The following EEA1 variants were observed in gnomAD, a reference collection of about 807,000 sequenced individuals.
EEA1 encodes early endosome antigen 1, 162kD.
In EEA1, 111 loss-of-function variants were observed where a neutral mutation model predicts 209.2. That is an observed-to-expected ratio of 0.53 (90% CI 0.45 to 0.62). The LOEUF is 0.62. EEA1 is among the 20% of genes least tolerant of loss of function. EEA1 has a pLI of 0.00. For synonymous variants in EEA1, 536 were observed against 540.6 expected, an observed-to-expected ratio of 0.99 and a Z score of 0.12; for missense variants, 1,343 against 1,530.8, an observed-to-expected ratio of 0.88 and a Z score of 2.05.
At chr12:92,889,189 T>C (rs992720189) in intron 2 of EEA1, among the ~76,000 whole-genome samples, 4 of 147,636 alleles carry the variant, frequency 2.7e-5, no homozygotes, top group African/African-American at 7.5e-5. Context: ...GAACAGAATA[T>C]AGTGCATAAT....
intron 10 of EEA1, among the ~76,000 whole-genome samples, chr12:92,834,060 G>A (rs1876794096): frequency 6.6e-6 from 1 of 152,108 alleles, no homozygotes; most frequent in Admixed American, 6.5e-5. Context: ...AGGCAAACAA[G>A]TTTCAGGTGG....
At chr12:92,840,569 C>G (rs919675331) in intron 10 of EEA1, among the ~76,000 whole-genome samples, 12 of 152,244 alleles carry the variant, frequency 7.9e-5, no homozygotes, top group African/African-American at 2.9e-4. Flanking sequence ...GCCTTGGCCT[C>G]CCAAAGTGCT....
At chr12:92,858,964 T>C in intron 3 of EEA1, 1 of 698,886 alleles carries the variant, frequency 1.4e-6, no homozygotes. Flanking sequence ...GATCAACCGT[T>C]CAGCTGCCTA....
intron 5 of EEA1, 79 bp from the exon 6 acceptor site, chr12:92,854,033 C>A (rs1386210185): frequency 4.4e-6 from 5 of 1,145,906 alleles, no homozygotes; most frequent in African/African-American, 1.6e-5. Flanking sequence ...GTTAAAAAAT[C>A]TCTGAAAGTC....
chr12:92,797,688 G>A (rs1874718507), intron 21 of EEA1, among the ~76,000 whole-genome samples: 2 of 152,114 alleles, frequency 1.3e-5, no homozygotes, highest in Admixed American at 1.3e-4. Flanking sequence ...CTCAGGATAT[G>A]AAAGCATACA....
intron 5 of EEA1, among the ~76,000 whole-genome samples, chr12:92,854,222 A>G (rs540616243): frequency 2.7e-4 from 41 of 152,334 alleles, no homozygotes; most frequent in Middle Eastern, 3.4e-3. Context: ...GTCATCTTAA[A>G]TTCCATGAAT....
chr12:92,791,010 A>C (rs575838250), intron 21 of EEA1, among the ~76,000 whole-genome samples: 108 of 152,334 alleles, frequency 7.1e-4, no homozygotes, highest in African/African-American at 2.5e-3. Context: ...AGAATTTCAT[A>C]TCCAGCCAAA....
At chr12:92,917,414 G>A (rs1377620468) in intron 1 of EEA1, among the ~76,000 whole-genome samples, 1 of 149,372 alleles carries the variant, frequency 6.7e-6, no homozygotes, top group Non-Finnish European at 1.5e-5. Flanking sequence ...AACCCTACAA[G>A]CCAGAAGAGA....
At chr12:92,781,912 C>G (rs755837523) in intron 23 of EEA1, 38 bp downstream of exon 23, 2 of 1,569,874 alleles carry the variant, frequency 1.3e-6, no homozygotes, top group South Asian at 1.2e-5. Flanking sequence ...ACAACTGTAA[C>G]TCTAAGATTG....
At chr12:92,804,167 T>TATGTG (rs1269298578) in intron 18 of EEA1, among the ~76,000 whole-genome samples, 1 of 152,160 alleles carries the variant, frequency 6.6e-6, no homozygotes, top group Non-Finnish European at 1.5e-5. Flanking sequence ...AGAGTACATA[T>TATGTG]ATGTGCACAT....
chr12:92,802,350 C>T lies in EEA1; in HGVS notation c.2670+54G>A, dbSNP rs1874958112. 2.6e-5 allele frequency: 37 copies of T among 1,450,868 alleles called. 1 individual carries two copies. Among genetic ancestry groups the T allele is most frequent in the South Asian group, 5.4e-5 (4 of 74,252 alleles). The allele number at this position is 1,450,868 out of a possible 1,614,324, so 89.9% of individuals were successfully genotyped here. Reference sequence around the variant, plus strand: ...TGTGAATTAAGCAGAAAAATCAGTACATTTTAAATAAAATAATCACTTCTA... The same window carrying T: ...TGTGAATTAAGCAGAAAAATCAGTATATTTTAAATAAAATAATCACTTCTA... On this transcript the variant is annotated intron_variant, in intron 19 of 28. Coordinates refer to ENST00000322349, the MANE Select transcript of EEA1 (RefSeq NM_003566.4).
rs762109984 is a variant in EEA1, at chr12:92,776,000, G to A, written c.*11C>T. On this transcript the variant is annotated 3_prime_UTR_variant, in exon 29 of 29. Coordinates refer to ENST00000322349, the MANE Select transcript of EEA1 (RefSeq NM_003566.4). ...GTTAGTGTAATATTACTCTGAAGTTGTGATAACCCATTATCCTTGCAAGTC... is the reference window on the plus strand; with the variant it reads ...GTTAGTGTAATATTACTCTGAAGTTATGATAACCCATTATCCTTGCAAGTC... 5.6e-6 allele frequency: 9 copies of A among 1,608,150 alleles called. No individual in the cohort carries two copies. The highest frequency in any genetic ancestry group is 2.2e-5 in the South Asian group (2 of 90,148).
chr12:92,892,241 C>T (rs1879680670), intron 1 of EEA1, among the ~76,000 whole-genome samples: 2 of 152,130 alleles, frequency 1.3e-5, no homozygotes. Flanking sequence ...CAGGTGCACA[C>T]CACCACACCC....
Position 92,887,366 on chromosome 12 carries a change from G to A in EEA1, c.117+4263C>T, listed in dbSNP as rs141720829. Among the ~76,000 whole-genome samples the A allele has an allele frequency of 3.2e-3, 484 of 152,046 alleles. 2 individuals are homozygous for A. The highest frequency in any genetic ancestry group is 0.011 in the African/African-American group (462 of 41,492). On this transcript the variant is annotated intron_variant, in intron 2 of 28. Coordinates refer to ENST00000322349, the MANE Select transcript of EEA1 (RefSeq NM_003566.4). ...AAAAATTTAAAAAATAAAACAGGGAGGGGTGCAGTGGCTCACATCTATAAT... is the reference window on the plus strand; with the variant it reads ...AAAAATTTAAAAAATAAAACAGGGAAGGGTGCAGTGGCTCACATCTATAAT...
intron 5 of EEA1, among the ~76,000 whole-genome samples, 183 bp downstream of exon 5, chr12:92,857,092 T>A (rs73219703): frequency 0.28 from 43,012 of 151,664 alleles, 6,515 homozygotes; most frequent in Non-Finnish European, 0.32. Flanking sequence ...GAACACCTTT[T>A]AAAAAATTAC....
intron 9 of EEA1, among the ~76,000 whole-genome samples, chr12:92,849,930 G>A (rs571585333): frequency 2.0e-5 from 3 of 152,154 alleles, no homozygotes; most frequent in Non-Finnish European, 4.4e-5. Context: ...AATAACAGTA[G>A]TCATAACAAA....
intron 6 of EEA1, among the ~76,000 whole-genome samples, 196 bp downstream of exon 6, chr12:92,853,715 AAACT>A (rs1431609515): frequency 6.6e-6 from 1 of 152,242 alleles, no homozygotes; most frequent in Non-Finnish European, 1.5e-5. Context: ...TAAAAAAACT[AAACT>A]TTTAGTTAAC....
intron 21 of EEA1, among the ~76,000 whole-genome samples, chr12:92,792,186 C>T (rs894464806): frequency 6.6e-5 from 10 of 151,908 alleles, no homozygotes; most frequent in East Asian, 1.9e-4. Context: ...GAACTAAAAT[C>T]GACACCCTAA....
chr12:92,902,943 T>C lies in EEA1; in HGVS notation c.25-11222A>G, dbSNP rs925345557. Reference sequence around the variant, plus strand: ...ACGTAACTGTTCAACAGTCTTTTTTTTTTTTTTTTGAGACGGAGTCTCGCT... The same window carrying C: ...ACGTAACTGTTCAACAGTCTTTTTTCTTTTTTTTTGAGACGGAGTCTCGCT... On this transcript the variant is annotated intron_variant, in intron 1 of 28. Transcript: ENST00000322349. Among the ~76,000 whole-genome samples the C allele has an allele frequency of 8.6e-5, 13 of 151,476 alleles. No individual in the cohort carries two copies. The East Asian group carries it at 2.0e-3, about 23-fold the overall frequency.
Sources: gnomAD v4.1 joint callset for allele counts (sites outside exome capture counted in the v4.1 genomes callset) on GRCh38, gnomAD v4.1.1 for gene constraint, MANE v1.5 for transcripts, NCBI Gene and HGNC (gene_info 2026-07-23, HGNC 2026-07-21) for gene names.